Variants in RSF1 observed in about 807,000 individuals in gnomAD.
RSF1 encodes the protein HBV pX-associated protein 8.
A neutral mutation model predicts 145.2 loss-of-function variants in RSF1; 13 were observed. That is an observed-to-expected ratio of 0.09 (90% confidence interval 0.06 to 0.14). The LOEUF (loss-of-function observed/expected upper bound fraction) is 0.14, where lower values mean the gene tolerates loss of function less well. Among genes scored for constraint, RSF1 ranks in the 10% least tolerant of loss-of-function variants. RSF1 has a pLI of 1.00. For synonymous variants in RSF1, 577 were observed against 592.6 expected (o/e 0.97, Z 0.38); for missense variants, 1,517 against 1,718.2 (o/e 0.88, Z 2.07).
At chr11:77,710,501 T>G (rs543264352) in intron 5 of RSF1, among the ~76,000 whole-genome samples, 1 of 152,342 alleles carries the variant, frequency 6.6e-6, no homozygotes, top group East Asian at 1.9e-4. Flanking sequence ...CCAAATCCAC[T>G]GTCCTACAGT....
the RSF1 span, among the ~76,000 whole-genome samples, chr11:77,833,007 A>ATTTTT: frequency 6.7e-4 from 35 of 51,948 alleles, 4 homozygotes; most frequent in African/African-American, 3.0e-3. Flanking sequence ...GTATATATAT[A>ATTTTT]TATTTTTTTT....
At position 77,740,893 on chromosome 11, in the gene RSF1, T is replaced by C; in HGVS notation, c.416A>G (p.Asn139Ser). ...ATCGGCATCCTCCTCATTAATAATA[T>C]TCTTGAATTTGAGATTGTCATCAAA... ...CQFDDNLKFKNIINEEDADTM... is the reference protein window; with the variant it reads ...CQFDDNLKFKSIINEEDADTM... Residue 139 changes from asparagine to serine, a missense_variant, in exon 4 of 16, where the codon AAT becomes AGT. Asn to Ser is a conservative substitution (Grantham distance 46, BLOSUM62 1). Coordinates refer to ENST00000308488, the MANE Select transcript of RSF1 (RefSeq NM_016578.4). 6.2e-7 allele frequency: 1 copy of C among 1,614,140 alleles called. No homozygotes were observed. Among genetic ancestry groups the C allele is most frequent in the Non-Finnish European group, 8.5e-7 (1 of 1,180,018 alleles).
At position 77,661,908 on chromosome 11, in the gene RSF1, T is replaced by C. The variant is rs1810345988; in HGVS notation, c.*5009A>G. 1 of 151,714 alleles carries C rather than the reference T, an allele frequency of 6.6e-6. No individual in the cohort carries two copies. The highest frequency in any genetic ancestry group is 6.6e-5 in the Admixed American group (1 of 15,216). The allele number at this position is 151,714 out of a possible 1,614,324, so 9.4% of individuals were successfully genotyped here. A position where few individuals can be genotyped will look rare whatever the true frequency, so the allele number is the denominator to read the frequency against. On this transcript the variant is annotated 3_prime_UTR_variant, in exon 16 of 16. Transcript: ENST00000308488. ...ATGACCAGAACTCAATAAATACAGA[T>C]CAAACAAAACCGCAAAACACTTAAA...
At chr11:77,684,597 T>C (rs1325222982) in intron 10 of RSF1, among the ~76,000 whole-genome samples, 1 of 152,208 alleles carries the variant, frequency 6.6e-6, no homozygotes, top group Non-Finnish European at 1.5e-5. Context: ...TATCACATTT[T>C]GGAGTTACCT....
At chr11:77,770,314 T>C (rs1451116494) in intron 1 of RSF1, among the ~76,000 whole-genome samples, 1 of 151,882 alleles carries the variant, frequency 6.6e-6, no homozygotes, top group African/African-American at 2.4e-5. Flanking sequence ...TACAAAAAAT[T>C]AGCCAGGTGT....
Position 77,663,050 on chromosome 11 carries a change from A to G in RSF1, c.*3867T>C, listed in dbSNP as rs909590825. On this transcript the variant is annotated 3_prime_UTR_variant, in exon 16 of 16. Transcript: ENST00000308488. ...ACACACACACATATACACATGTACC[A>G]TTTAACTCTGGGTCTTTGAATAGTT... is the stretch of plus-strand genomic sequence containing the variant. 6.6e-6 allele frequency: 1 copy of G among 152,124 alleles called. No homozygotes were observed. Among genetic ancestry groups the G allele is most frequent in the African/African-American group, 2.4e-5 (1 of 41,424 alleles). The allele number at this position is 152,124 out of a possible 1,614,324, so 9.4% of individuals were successfully genotyped here.
chr11:77,806,959 T>G (rs1375387025), intron 1 of RSF1, among the ~76,000 whole-genome samples: 2 of 152,242 alleles, frequency 1.3e-5, no homozygotes, highest in Non-Finnish European at 2.9e-5. Flanking sequence ...ATCTACTATA[T>G]GCTAAATACT....
intron 1 of RSF1, among the ~76,000 whole-genome samples, chr11:77,778,295 C>A (rs1440253173): frequency 7.0e-6 from 1 of 142,994 alleles, no homozygotes; most frequent in Non-Finnish European, 1.5e-5. Flanking sequence ...GGAAAAAATA[C>A]CTTCAGGCTT....
At chr11:77,804,870 A>G (rs1590897524) in intron 1 of RSF1, among the ~76,000 whole-genome samples, 2 of 152,342 alleles carry the variant, frequency 1.3e-5, no homozygotes, top group East Asian at 3.9e-4. Context: ...GATGGAATTC[A>G]AGTCAAATTA....
At chr11:77,715,901 C>T (rs1370501444) in intron 5 of RSF1, among the ~76,000 whole-genome samples, 1 of 152,218 alleles carries the variant, frequency 6.6e-6, no homozygotes, top group Non-Finnish European at 1.5e-5. Context: ...TCCCCAGTAG[C>T]TGGGACCAAA....
At chr11:77,740,015 A>G (rs1179539146) in intron 4 of RSF1, among the ~76,000 whole-genome samples, 4 of 152,262 alleles carry the variant, frequency 2.6e-5, no homozygotes, top group Admixed American at 2.6e-4. Context: ...AGCAAATAGA[A>G]TATATACTGT....
Position 77,698,791 on chromosome 11 carries a change from A to T in RSF1, c.2509-98T>A. On this transcript the variant is annotated intron_variant, in intron 6 of 15. Transcript: ENST00000308488. ...CATTGTATAATAATATTCAGCCAAT[A>T]TACCAAAAAAAGAGGAGAAAATTAT... 7 of 976,652 alleles carry T rather than the reference A, an allele frequency of 7.2e-6. No individual in the cohort carries two copies. In the South Asian group the frequency reaches 1.1e-4, roughly 15 times the overall value. The allele number at this position is 976,652 out of a possible 1,614,324, so 60.5% of individuals were successfully genotyped here.
chr11:77,802,657 C>T (rs907730307), intron 1 of RSF1, among the ~76,000 whole-genome samples: 2 of 152,162 alleles, frequency 1.3e-5, no homozygotes, highest in African/African-American at 2.4e-5. Context: ...GATTCTCCTG[C>T]CTCAGCCTCC....
At chr11:77,698,388 G>A (rs1960334194) in intron 7 of RSF1, 99 bp downstream of exon 7, 4 of 954,626 alleles carry the variant, frequency 4.2e-6, no homozygotes, top group Non-Finnish European at 6.6e-6. Context: ...TTATCATTAA[G>A]AAATTCAAAT....
chr11:77,841,711 G>A, the RSF1 span, among the ~76,000 whole-genome samples: 2 of 152,160 alleles, frequency 1.3e-5, no homozygotes, highest in Non-Finnish European at 2.9e-5. Flanking sequence ...GTCCACTTGG[G>A]ATATGTAGAG....
the RSF1 span, among the ~76,000 whole-genome samples, chr11:77,832,814 C>G: frequency 6.6e-6 from 1 of 151,588 alleles, no homozygotes; most frequent in Non-Finnish European, 1.5e-5. Context: ...CATTTGTGCT[C>G]TGTAACAGCA....
At chr11:77,815,474 T>C (rs1202397607) in intron 1 of RSF1, among the ~76,000 whole-genome samples, 1 of 152,218 alleles carries the variant, frequency 6.6e-6, no homozygotes, top group African/African-American at 2.4e-5. Flanking sequence ...CACACATAAC[T>C]GTCTTCCTTG....
At chr11:77,813,229 C>A in intron 1 of RSF1, 1 of 525,690 alleles carries the variant, frequency 1.9e-6, no homozygotes, top group Non-Finnish European at 3.4e-6. Context: ...CTGAGCAAAA[C>A]ATGAAAGTAG....
chr11:77,857,349 C>T, the RSF1 span, among the ~76,000 whole-genome samples: 1 of 152,200 alleles, frequency 6.6e-6, no homozygotes, highest in South Asian at 2.1e-4. Context: ...AGCTTACTGG[C>T]AGGAAAAACA....
Sources: allele counts gnomAD v4.1 joint callset (sites outside exome capture counted in the v4.1 genomes callset), GRCh38; gene constraint gnomAD v4.1.1; transcripts MANE v1.5; gene names NCBI Gene and HGNC (gene_info 2026-07-23, HGNC 2026-07-21).